The following ADGRA3 variants were observed in gnomAD, a reference collection of about 807,000 sequenced individuals.
The protein encoded by ADGRA3 is adhesion G protein-coupled receptor A3, also known as G-protein coupled receptor 125.
In ADGRA3, 56 loss-of-function variants were observed where a neutral mutation model predicts 119.8. The observed-to-expected ratio is 0.47, with a 90% CI of 0.38 to 0.58. The LOEUF (loss-of-function observed/expected upper bound fraction) is 0.58. ADGRA3 is among the 20% of genes least tolerant of loss of function. The pLI is 0.00. For synonymous variants in ADGRA3, 607 were observed against 623.8 expected, an observed-to-expected ratio of 0.97 and a Z score of 0.40; for missense variants, 1,516 against 1,649.0, an observed-to-expected ratio of 0.92 and a Z score of 1.40.
chr4:22,488,356 T>TAA (rs5856699), intron 1 of ADGRA3, among the ~76,000 whole-genome samples: 67 of 146,372 alleles, frequency 4.6e-4, no homozygotes, highest in African/African-American at 1.5e-3. Flanking sequence ...TATGAAGCTT[T>TAA]AAAAAAAAAA....
intron 14 of ADGRA3, among the ~76,000 whole-genome samples, chr4:22,404,751 G>GT (rs1211071545): frequency 6.6e-6 from 1 of 152,214 alleles, no homozygotes; most frequent in African/African-American, 2.4e-5. Flanking sequence ...ACACTAGCCT[G>GT]TAATACATGG....
intron 1 of ADGRA3, among the ~76,000 whole-genome samples, chr4:22,503,781 G>A (rs1391384654): frequency 2.0e-5 from 3 of 152,152 alleles, no homozygotes; most frequent in Non-Finnish European, 4.4e-5. Flanking sequence ...ATCACATACT[G>A]TGTATGATGT....
rs762914447 is a variant in ADGRA3 at position 22,462,540 on chromosome 4, C to T, written c.330-732G>A. On this transcript the variant is annotated intron_variant, in intron 2 of 18. Coordinates refer to ENST00000334304, the MANE Select transcript of ADGRA3 (RefSeq NM_145290.4). ...ATGTTGGCCAGGCTGATCTCAAACT[C>T]CTGACCTCAAGCAATCTGCCTGCCT... Among the ~76,000 whole-genome samples the T allele has an allele frequency of 2.2e-4, 33 of 152,262 alleles. 1 individual carries two copies. The highest frequency in any genetic ancestry group is 7.4e-5 in the Non-Finnish European group (5 of 68,026).
At chr4:22,494,651 A>G (rs1718749001) in intron 1 of ADGRA3, among the ~76,000 whole-genome samples, 1 of 151,970 alleles carries the variant, frequency 6.6e-6, no homozygotes, top group African/African-American at 2.4e-5. Flanking sequence ...ACAAATTACT[A>G]TAAACTGAGT....
chr4:22,415,432 C>G (rs1715389089), intron 12 of ADGRA3, among the ~76,000 whole-genome samples: 1 of 151,996 alleles, frequency 6.6e-6, no homozygotes, highest in Non-Finnish European at 1.5e-5. Context: ...TAAAAAGGTT[C>G]CTGCTATTCT....
At chr4:22,443,565 T>C (rs1021558378) in intron 6 of ADGRA3, among the ~76,000 whole-genome samples, 16 of 152,148 alleles carry the variant, frequency 1.1e-4, no homozygotes, top group African/African-American at 3.6e-4. Flanking sequence ...CCATTATTTA[T>C]GAAGCAAGAA....
intron 1 of ADGRA3, among the ~76,000 whole-genome samples, chr4:22,490,611 T>G (rs1406942808): frequency 6.6e-6 from 1 of 152,146 alleles, no homozygotes; most frequent in Non-Finnish European, 1.5e-5. Flanking sequence ...ACACTAAGTG[T>G]TAAGTGCTAC....
Position 22,442,880 on chromosome 4 carries a change from A to G in ADGRA3, c.707-17T>C, listed in dbSNP as rs372362685. 127 of 1,554,216 alleles carry G rather than the reference A, an allele frequency of 8.2e-5. 1 individual carries two copies. The highest frequency in any genetic ancestry group is 1.1e-4 in the Non-Finnish European group (119 of 1,129,032). Reference sequence around the variant, plus strand: ...GCGGAGGGTCTAGAGACAATCAAACAAAGATTCAGTAAACAAATATAATTT... The same window carrying G: ...GCGGAGGGTCTAGAGACAATCAAACGAAGATTCAGTAAACAAATATAATTT... On this transcript the variant is annotated splice_polypyrimidine_tract_variant and intron_variant, in intron 6 of 18. Transcript: ENST00000334304.
At chr4:22,414,379 C>A in intron 12 of ADGRA3, 1 of 422,452 alleles carries the variant, frequency 2.4e-6, no homozygotes. Flanking sequence ...AAAATAATAA[C>A]ACATAGGAAC....
At chr4:22,497,463 C>T (rs1474026065) in intron 1 of ADGRA3, among the ~76,000 whole-genome samples, 2 of 152,084 alleles carry the variant, frequency 1.3e-5, no homozygotes, top group South Asian at 2.1e-4. Flanking sequence ...GTTTAAAAGC[C>T]TATATTCCTA....
intron 12 of ADGRA3, chr4:22,414,326 T>C (rs181995578): frequency 8.6e-5 from 29 of 338,778 alleles, no homozygotes; most frequent in African/African-American, 5.9e-4. Flanking sequence ...TCAGTACACT[T>C]AGCAGAAATT....
At chr4:22,441,456 T>C (rs1284427348) in intron 7 of ADGRA3, among the ~76,000 whole-genome samples, 1 of 152,218 alleles carries the variant, frequency 6.6e-6, no homozygotes, top group Non-Finnish European at 1.5e-5. Flanking sequence ...TTTTAGGCTT[T>C]GCTGGCTACG....
At chr4:22,450,665 T>A (rs190923053) in intron 4 of ADGRA3, among the ~76,000 whole-genome samples, 25 of 152,212 alleles carry the variant, frequency 1.6e-4, no homozygotes, top group Admixed American at 1.6e-3. Context: ...ATATGATACA[T>A]CATCTATTAT....
chr4:22,387,693 A>G lies in ADGRA3; in HGVS notation c.*12T>C. The G allele has an allele frequency of 6.3e-7, 1 of 1,578,976 alleles. No individual in the cohort carries two copies. Among genetic ancestry groups the G allele is most frequent in the Non-Finnish European group, 8.6e-7 (1 of 1,161,468 alleles). On this transcript the variant is annotated 3_prime_UTR_variant, in exon 19 of 19. Transcript: ENST00000334304. ...AGTTTATATGAATTTCTGCCTAGGAAGCCCAGCAATGTTACACAGTAGTTT... is the reference window on the plus strand; with the variant it reads ...AGTTTATATGAATTTCTGCCTAGGAGGCCCAGCAATGTTACACAGTAGTTT...
At chr4:22,508,871 C>T (rs1719336411) in intron 1 of ADGRA3, among the ~76,000 whole-genome samples, 1 of 152,160 alleles carries the variant, frequency 6.6e-6, no homozygotes, top group Non-Finnish European at 1.5e-5. Context: ...TTCTCTTTCC[C>T]CTTCCTCTTG....
At chr4:22,428,390 T>G (rs2109048434) in intron 10 of ADGRA3, among the ~76,000 whole-genome samples, 1 of 151,992 alleles carries the variant, frequency 6.6e-6, no homozygotes, top group Middle Eastern at 3.4e-3. Flanking sequence ...ACATACCCAG[T>G]AAAAATATAA....
intron 4 of ADGRA3, among the ~76,000 whole-genome samples, chr4:22,454,070 A>C (rs752795111): frequency 6.6e-6 from 1 of 152,130 alleles, no homozygotes; most frequent in East Asian, 1.9e-4. Context: ...CATGTTAGCC[A>C]GGCTGGTCTC....
chr4:22,504,809 C>T (rs902178616), intron 1 of ADGRA3, among the ~76,000 whole-genome samples: 2 of 152,032 alleles, frequency 1.3e-5, no homozygotes, highest in African/African-American at 4.8e-5. Context: ...TACTAAGCAG[C>T]AGGTTCTCAA....
chr4:22,397,691 C>A (rs1222344470), intron 16 of ADGRA3, among the ~76,000 whole-genome samples: 1 of 151,976 alleles, frequency 6.6e-6, no homozygotes, highest in South Asian at 2.1e-4. Flanking sequence ...GCTGTTCTTG[C>A]GAAAGTGAAT....
Sources: allele counts gnomAD v4.1 joint callset (sites outside exome capture counted in the v4.1 genomes callset), GRCh38; gene constraint gnomAD v4.1.1; transcripts MANE v1.5; gene names NCBI Gene and HGNC (gene_info 2026-07-23, HGNC 2026-07-21).